The following ZNF236 variants were observed in gnomAD, a reference collection of about 807,000 sequenced individuals.
ZNF236 encodes the protein regulated by glucose.
A neutral mutation model predicts 191.2 loss-of-function variants in ZNF236; 50 were observed. The ratio of observed to expected loss-of-function variants is 0.26; its 90% CI spans 0.21 to 0.33. The LOEUF (loss-of-function observed/expected upper bound fraction) is 0.33, where lower values mean the gene tolerates loss of function less well. ZNF236 is among the 10% of genes least tolerant of loss of function. The pLI, the probability that ZNF236 is intolerant of heterozygous loss-of-function variation, is 1.00. For missense variants in ZNF236, 1,754 were observed against 2,374.5 expected (o/e 0.74, Z 5.43); for synonymous variants, 907 against 928.8 (o/e 0.98, Z 0.43).
intron 3 of ZNF236, among the ~76,000 whole-genome samples, chr18:76,865,515 C>G (rs1217748740): frequency 2.0e-5 from 3 of 152,208 alleles, no homozygotes; most frequent in Non-Finnish European, 2.9e-5. Context: ...TTAGGACATT[C>G]AGAGAGCCTT....
At chr18:76,914,937 A>C (rs1967316457) in intron 18 of ZNF236, among the ~76,000 whole-genome samples, 1 of 152,242 alleles carries the variant, frequency 6.6e-6, no homozygotes, top group South Asian at 2.1e-4. Context: ...CAAGCAAAAT[A>C]AGGAAAAGTT....
intron 13 of ZNF236, among the ~76,000 whole-genome samples, chr18:76,907,343 T>C (rs1977771333): frequency 6.6e-6 from 1 of 152,192 alleles, no homozygotes. Context: ...GCGGCTCTTT[T>C]TTGTGTGTGT....
chr18:76,930,854 T>C (rs1161998770), intron 25 of ZNF236, among the ~76,000 whole-genome samples: 1 of 152,220 alleles, frequency 6.6e-6, no homozygotes, highest in Non-Finnish European at 1.5e-5. Context: ...GTAAAACTCA[T>C]AAGAAGTATT....
At chr18:76,940,101 A>G (rs1968099116) in intron 26 of ZNF236, among the ~76,000 whole-genome samples, 2 of 139,764 alleles carry the variant, frequency 1.4e-5, no homozygotes, top group African/African-American at 2.7e-5. Context: ...CGACCCTAGC[A>G]CTGCATTTGG....
In ZNF236 at chr18:76,947,623, T is replaced by A; in HGVS notation, c.4885T>A (p.Ser1629Thr). 2 of 1,613,918 alleles carry A rather than the reference T, an allele frequency of 1.2e-6. No homozygotes were observed. The highest frequency in any genetic ancestry group is 2.2e-5 in the South Asian group (2 of 91,068). The change falls in exon 27 of 31, where the codon TCT becomes ACT. Residue 1629 changes from serine to threonine, a missense_variant. Ser to Thr is a moderately conservative substitution (Grantham distance 58). This residue lies in a region of ZNF236 where 606 missense variants were observed against 761.5 expected (regional missense o/e 0.80). Coordinates refer to ENST00000320610, the MANE Select transcript of ZNF236 (RefSeq NM_001306089.2). Reference protein sequence around the residue: ...ILVSHTPQSASAACEEIAYQV... With the variant: ...ILVSHTPQSATAACEEIAYQV... Reference sequence around the variant, plus strand: ...AGTGAGCCACACGCCACAGTCAGCGTCTGCTGCTTGTGAAGAAATAGCCTA... The same window carrying A: ...AGTGAGCCACACGCCACAGTCAGCGACTGCTGCTTGTGAAGAAATAGCCTA...
chr18:76,887,961 A>G lies in ZNF236; in HGVS notation c.1417+6449A>G, dbSNP rs1402396570. The G allele has an allele frequency of 3.3e-5, 5 of 151,146 alleles. No homozygotes were observed. The East Asian group carries it at 5.9e-4, about 18-fold the overall frequency. The allele number at this position is 151,146 out of a possible 1,614,324, so 9.4% of individuals were successfully genotyped here. ...CACTGACCTGTTGCTTCTGATTTGT[A>G]TAATGATTATTTGGTAAGATTTGCT... On this transcript the variant is annotated intron_variant, in intron 9 of 30. Transcript: ENST00000320610.
In ZNF236 at chr18:76,971,888, C is replaced by G. The variant is rs972150786; in HGVS notation, c.*3549C>G. Among the ~76,000 whole-genome samples the G allele has an allele frequency of 6.6e-6, 1 of 152,214 alleles. No homozygotes were observed. The highest frequency in any genetic ancestry group is 1.5e-5 in the Non-Finnish European group (1 of 68,032). ...AAGGCTATCTCATGCCTGCTTCTTA[C>G]ATTTTTTTCTGAAGCTTATTTCAGA... On this transcript the variant is annotated 3_prime_UTR_variant, in exon 31 of 31. Coordinates refer to ENST00000320610, the MANE Select transcript of ZNF236 (RefSeq NM_001306089.2).
intron 19 of ZNF236, among the ~76,000 whole-genome samples, chr18:76,917,091 G>T (rs1422418623): frequency 6.6e-6 from 1 of 152,166 alleles, no homozygotes. Context: ...GAGCCATTGT[G>T]CACCTCATTT....
intron 5 of ZNF236, among the ~76,000 whole-genome samples, chr18:76,872,638 C>A (rs1316613635): frequency 6.6e-6 from 1 of 152,136 alleles, no homozygotes; most frequent in Non-Finnish European, 1.5e-5. Flanking sequence ...AAAGTGAGTA[C>A]AGCATTCATA....
intron 6 of ZNF236, 125 bp from the exon 7 acceptor site, chr18:76,877,884 T>C: frequency 1.5e-6 from 1 of 682,050 alleles, no homozygotes; most frequent in Non-Finnish European, 2.2e-6. Context: ...AAAAAGGTAA[T>C]GTTGAAGGGT....
chr18:76,907,696 C>CTTT (rs56268678), intron 13 of ZNF236, among the ~76,000 whole-genome samples: 3 of 141,192 alleles, frequency 2.1e-5, no homozygotes, highest in Non-Finnish European at 4.6e-5. Context: ...AGATTTTTTT[C>CTTT]TTTTTTTTTT....
intron 1 of ZNF236, chr18:76,834,375 G>GT (rs202202508): frequency 0.037 from 5,668 of 151,372 alleles, 126 homozygotes; most frequent in East Asian, 0.094. Flanking sequence ...TTTCCTTAGG[G>GT]TTTTTTTTTT....
chr18:76,919,732 T>C lies in ZNF236; in HGVS notation c.3275-44T>C. On this transcript the variant is annotated intron_variant, in intron 19 of 30. Coordinates refer to ENST00000320610, the MANE Select transcript of ZNF236 (RefSeq NM_001306089.2). The surrounding 1 kb of genome is among the most constrained non-coding windows in gnomAD (Gnocchi z 5.3). ...TAATTGTTTTGCTAAAAACCTAGGT[T>C]TTCTTCATTACGATTTTGATCCCTT... 1 of 1,599,422 alleles carries C rather than the reference T, an allele frequency of 6.3e-7. No individual in the cohort carries two copies. The highest frequency in any genetic ancestry group is 8.6e-7 in the Non-Finnish European group (1 of 1,169,330).
intron 10 of ZNF236, among the ~76,000 whole-genome samples, chr18:76,897,056 A>G (rs1977440589): frequency 1.3e-5 from 2 of 148,638 alleles, no homozygotes; most frequent in African/African-American, 5.0e-5. Flanking sequence ...ACTGCACACA[A>G]TACCCAACAT....
rs747814487 is a variant in ZNF236, at chr18:76,905,242, A to G, written c.2124A>G (p.Thr708=). The change falls in exon 13 of 31, where the codon ACA becomes ACG. Residue 708 remains threonine, a synonymous_variant. Coordinates refer to ENST00000320610, the MANE Select transcript of ZNF236 (RefSeq NM_001306089.2). ...GCGTGCTCAAAGCACACATCAGAAC[A>G]CACACAGGACTGAAATCTTTCAAGT... ...SAGVLKAHIR[T]HTGLKSFKCL... 1 of 1,614,268 alleles carries G rather than the reference A, an allele frequency of 6.2e-7. No homozygotes were observed.
chr18:76,835,300 C>G (rs1056860411), intron 1 of ZNF236, among the ~76,000 whole-genome samples: 3 of 152,068 alleles, frequency 2.0e-5, no homozygotes, highest in Non-Finnish European at 4.4e-5. Flanking sequence ...TATTTGAAAA[C>G]TTCTTGGGTC....
intron 25 of ZNF236, among the ~76,000 whole-genome samples, chr18:76,934,531 T>C (rs1967943370): frequency 6.6e-6 from 1 of 152,258 alleles, no homozygotes; most frequent in African/African-American, 2.4e-5. Flanking sequence ...GTTCTGCTTT[T>C]GATGAAAGAA....
chr18:76,895,324 C>T (rs747283780), intron 10 of ZNF236, 39 bp downstream of exon 10: 8 of 1,591,960 alleles, frequency 5.0e-6, no homozygotes, highest in Non-Finnish European at 6.0e-6. Context: ...GCACTGGCCA[C>T]GGGGGCCACA....
At chr18:76,915,973 G>A in intron 19 of ZNF236, 114 bp downstream of exon 19, 1 of 890,502 alleles carries the variant, frequency 1.1e-6, no homozygotes, top group Non-Finnish European at 1.7e-6. Context: ...TAGTTCAGTA[G>A]CACCCTGAGT....
Sources: gnomAD v4.1 joint callset for allele counts (sites outside exome capture counted in the v4.1 genomes callset) on GRCh38, gnomAD v4.1.1 for gene constraint, gnomAD v4.1.1 regional missense constraint, Gnocchi (gnomAD v3.1) non-coding constraint, MANE v1.5 for transcripts, NCBI Gene and HGNC (gene_info 2026-07-23, HGNC 2026-07-21) for gene names.